The following NECTIN1 variants were observed in gnomAD, a reference collection of about 807,000 sequenced individuals.
NECTIN1 encodes nectin-1.
NECTIN1 carries 23 observed loss-of-function variants against 48.0 expected under a neutral mutation model. The observed-to-expected ratio is 0.48, with a 90% CI of 0.34 to 0.68. The LOEUF (loss-of-function observed/expected upper bound fraction) is 0.68. Among genes scored for constraint, NECTIN1 ranks in the 30% least tolerant of loss-of-function variants. The pLI is 0.01. For synonymous variants in NECTIN1, 270 were observed against 288.9 expected, an observed-to-expected ratio of 0.93 and a Z score of 0.66; for missense variants, 591 against 709.9, an observed-to-expected ratio of 0.83 and a Z score of 1.90.
intron 5 of NECTIN1, among the ~76,000 whole-genome samples, chr11:119,654,816 A>G (rs1864545769): frequency 6.6e-6 from 1 of 151,672 alleles, no homozygotes; most frequent in African/African-American, 2.4e-5. Flanking sequence ...TGATCTGCCC[A>G]CCTTGGCCTC....
intron 1 of NECTIN1, among the ~76,000 whole-genome samples, chr11:119,720,512 GC>G (rs1218222812): frequency 6.6e-6 from 1 of 152,262 alleles, no homozygotes. Context: ...GACCCGTGTG[GC>G]CCCCCATGGG....
chr11:119,650,402 C>A (rs1436799051), intron 5 of NECTIN1, among the ~76,000 whole-genome samples: 1 of 152,182 alleles, frequency 6.6e-6, no homozygotes, highest in Non-Finnish European at 1.5e-5. Flanking sequence ...TCCAGGAAGT[C>A]TTTCCTCATG....
At position 119,684,551 on chromosome 11, in the gene NECTIN1, G is replaced by A. The variant is rs141832766; in HGVS notation, c.80-5786C>T. Reference sequence around the variant, plus strand: ...GGGACAGGATGTCCGGTGAGAAACCGGCTAAGTGGTAAGTGGGAGTGACTC... The same window carrying A: ...GGGACAGGATGTCCGGTGAGAAACCAGCTAAGTGGTAAGTGGGAGTGACTC... On this transcript the variant is annotated intron_variant, in intron 1 of 5. Transcript: ENST00000264025. This position sits in a 1 kb window ranked among gnomAD's most constrained non-coding sequence, Gnocchi z 5.2. Among the ~76,000 whole-genome samples, 49 of 152,156 alleles carry A rather than the reference G, an allele frequency of 3.2e-4. No individual in the cohort carries two copies. The highest frequency in any genetic ancestry group is 3.4e-3 in the Middle Eastern group (1 of 294).
chr11:119,689,738 C>T (rs567647150), intron 1 of NECTIN1, among the ~76,000 whole-genome samples: 16 of 152,316 alleles, frequency 1.1e-4, no homozygotes, highest in African/African-American at 3.4e-4. Flanking sequence ...CCCATCCCCT[C>T]GAGAAGGTCT....
At chr11:119,655,329 C>G (rs887876692) in intron 5 of NECTIN1, among the ~76,000 whole-genome samples, 3 of 152,154 alleles carry the variant, frequency 2.0e-5, no homozygotes, top group Non-Finnish European at 4.4e-5. Context: ...GCCTCTCCCA[C>G]TATTAAAAAT....
chr11:119,677,707 T>C lies in NECTIN1; in HGVS notation c.581A>G (p.Glu194Gly). The C allele has an allele frequency of 6.2e-7, 1 of 1,614,152 alleles. No homozygotes were observed. The highest frequency in any genetic ancestry group is 8.5e-7 in the Non-Finnish European group (1 of 1,180,024). The change falls in exon 3 of 6, where the codon GAG becomes GGG. Residue 194 changes from glutamate to glycine, a missense_variant. Coordinates refer to ENST00000264025, the MANE Select transcript of NECTIN1 (RefSeq NM_002855.5). This position sits in a 1 kb window ranked among gnomAD's most constrained non-coding sequence, Gnocchi z 5.4. ...ATTGGGGTTCCGGATCTCCTGGTAC[T>C]CTGCCTCACCTTTTAACCGAGTTTC... ...SWETRLKGEA[E>G]YQEIRNPNGT...
chr11:119,639,145 G>A (rs568921484), intron 6 of NECTIN1, among the ~76,000 whole-genome samples: 66 of 152,336 alleles, frequency 4.3e-4, no homozygotes, highest in African/African-American at 1.6e-3. Context: ...CGGGCATGAG[G>A]CCTCAGGTGC....
Position 119,664,487 on chromosome 11 carries a change from G to A in NECTIN1, c.*260C>T, listed in dbSNP as rs369709369. 28 of 1,330,538 alleles carry A rather than the reference G, an allele frequency of 2.1e-5. No individual in the cohort carries two copies. In the African/African-American group the frequency reaches 2.6e-4, roughly 13 times the overall value. The allele number at this position is 1,330,538 out of a possible 1,614,324, so 82.4% of individuals were successfully genotyped here. On this transcript the variant is annotated 3_prime_UTR_variant, in exon 6 of 6. Coordinates refer to ENST00000264025, the MANE Select transcript of NECTIN1 (RefSeq NM_002855.5). ...CACAGAGGGCAGGCAGGTGGGGCCCGTAAAGGGAAGATACAGTAACACTAA... is the reference window on the plus strand; with the variant it reads ...CACAGAGGGCAGGCAGGTGGGGCCCATAAAGGGAAGATACAGTAACACTAA...
chr11:119,695,791 G>A (rs1262964381), intron 1 of NECTIN1, among the ~76,000 whole-genome samples: 1 of 152,176 alleles, frequency 6.6e-6, no homozygotes, highest in African/African-American at 2.4e-5. Flanking sequence ...GGAAGTGGGA[G>A]CACCCCCCTT....
In NECTIN1 at chr11:119,677,208, C is replaced by T; in HGVS notation, c.745G>A (p.Val249Ile). Residue 249 changes from valine (V) to isoleucine (I), a missense_variant, in exon 4 of 6, where the codon GTA becomes ATA. Coordinates refer to ENST00000264025, the MANE Select transcript of NECTIN1 (RefSeq NM_002855.5). This position sits in a 1 kb window ranked among gnomAD's most constrained non-coding sequence, Gnocchi z 5.4. The part of the protein sequence containing the change: ...LTLNVQYEPE[V>I]TIEGFDGNWY... ...TTGCCATCAAACCCCTCAATGGTTA[C>T]CTCAGGCTCATCTGTGGGGCAAGGG... 6.2e-7 allele frequency: 1 copy of T among 1,614,030 alleles called. No individual in the cohort carries two copies. The highest frequency in any genetic ancestry group is 8.5e-7 in the Non-Finnish European group (1 of 1,179,936).
chr11:119,682,204 T>TAC (rs1192680822), intron 1 of NECTIN1, among the ~76,000 whole-genome samples: 1 of 152,072 alleles, frequency 6.6e-6, no homozygotes, highest in Non-Finnish European at 1.5e-5. Context: ...CAGGTGACTC[T>TAC]AACAGGCGGG....
At chr11:119,711,073 A>AC (rs1274668315) in intron 1 of NECTIN1, among the ~76,000 whole-genome samples, 79 of 138,238 alleles carry the variant, frequency 5.7e-4, no homozygotes, top group African/African-American at 2.1e-3. Context: ...AAAAAAAAAA[A>AC]AACCAAAAAC....
At position 119,661,076 on chromosome 11, in the gene NECTIN1, A is replaced by G. The variant is rs887434186; in HGVS notation, c.*3671T>C. 3 of 980,184 alleles carry G rather than the reference A, an allele frequency of 3.1e-6. No individual in the cohort carries two copies. The highest frequency in any genetic ancestry group is 3.5e-5 in the African/African-American group (2 of 57,094). The allele number at this position is 980,184 out of a possible 1,614,324, so 60.7% of individuals were successfully genotyped here. ...CCCATCATTTTTTTTTAATACAAGT[A>G]AAAGGGGGTGATGCAAACACCCCCC... On this transcript the variant is annotated 3_prime_UTR_variant, in exon 6 of 6. Transcript: ENST00000264025.
intron 1 of NECTIN1, among the ~76,000 whole-genome samples, chr11:119,725,622 T>C (rs1865896836): frequency 6.6e-6 from 1 of 151,904 alleles, no homozygotes; most frequent in African/African-American, 2.4e-5. Flanking sequence ...ATGTGAGAAA[T>C]AGAGAGAGAG....
intron 1 of NECTIN1, among the ~76,000 whole-genome samples, chr11:119,691,542 C>G (rs1865252674): frequency 6.6e-6 from 1 of 152,270 alleles, no homozygotes; most frequent in South Asian, 2.1e-4. Flanking sequence ...TGCCCCGCTA[C>G]AGCAGGGCCT....
chr11:119,664,677 G>A lies in NECTIN1; in HGVS notation c.*70C>T. 2 of 1,483,706 alleles carry A rather than the reference G, an allele frequency of 1.3e-6. No homozygotes were observed. The highest frequency in any genetic ancestry group is 9.0e-7 in the Non-Finnish European group (1 of 1,109,422). 91.9% of individuals were successfully genotyped at this position (1,483,706 alleles called of 1,614,324 possible). A position where few individuals can be genotyped will look rare whatever the true frequency, so the allele number is the denominator to read the frequency against. ...GTTCAGCTCCTGGAGTGGGAGGTGG[G>A]GGGTGGGCAGGGGGCGTGCGGGGAG... is the stretch of plus-strand genomic sequence containing the variant. On this transcript the variant is annotated 3_prime_UTR_variant, in exon 6 of 6. Coordinates refer to ENST00000264025, the MANE Select transcript of NECTIN1 (RefSeq NM_002855.5).
Position 119,674,457 on chromosome 11 carries a change from T to C in NECTIN1, c.1003+702A>G. The C allele has an allele frequency of 4.4e-6, 7 of 1,599,736 alleles. No homozygotes were observed. In the South Asian group the frequency reaches 5.6e-5, roughly 13 times the overall value. On this transcript the variant is annotated intron_variant, in intron 5 of 5. Coordinates refer to ENST00000264025, the MANE Select transcript of NECTIN1 (RefSeq NM_002855.5). ...TGCTAGGTGCTTGACTTACATCACGTAGAATTCTGACAACAGCCCTTCAAG... is the reference window on the plus strand; with the variant it reads ...TGCTAGGTGCTTGACTTACATCACGCAGAATTCTGACAACAGCCCTTCAAG...
chr11:119,707,471 G>A (rs1250714071), intron 1 of NECTIN1, among the ~76,000 whole-genome samples: 2 of 151,618 alleles, frequency 1.3e-5, no homozygotes, highest in African/African-American at 4.9e-5. Flanking sequence ...CATCTCTCAT[G>A]CTAGTGACCA....
At chr11:119,724,746 C>T (rs1865884904) in intron 1 of NECTIN1, among the ~76,000 whole-genome samples, 1 of 152,188 alleles carries the variant, frequency 6.6e-6, no homozygotes, top group African/African-American at 2.4e-5. Flanking sequence ...TGCACACACA[C>T]ACAGTGAATG....
Sources: gnomAD v4.1 joint callset for allele counts (sites outside exome capture counted in the v4.1 genomes callset) on GRCh38, gnomAD v4.1.1 for gene constraint, Gnocchi (gnomAD v3.1) non-coding constraint, MANE v1.5 for transcripts, NCBI Gene and HGNC (gene_info 2026-07-23, HGNC 2026-07-21) for gene names.